Variants in ZNF318 observed in about 807,000 individuals in gnomAD.
ZNF318 encodes the protein endocrine regulator.
ZNF318 carries 51 observed loss-of-function variants against 124.2 expected under a neutral mutation model. The ratio of observed to expected loss-of-function variants is 0.41; its 90% CI spans 0.33 to 0.52. ZNF318 has a LOEUF of 0.52. Among genes scored for constraint, ZNF318 ranks in the 20% least tolerant of loss-of-function variants. The pLI is 0.23. For synonymous variants in ZNF318, 1,090 were observed against 1,040.7 expected, an observed-to-expected ratio of 1.05 and a Z score of -0.91; for missense variants, 2,815 against 2,811.2, an observed-to-expected ratio of 1.00 and a Z score of -0.03.
At chr6:43,346,342 G>A (rs890884535) in intron 6 of ZNF318, among the ~76,000 whole-genome samples, 3 of 151,668 alleles carry the variant, frequency 2.0e-5, no homozygotes, top group Non-Finnish European at 4.4e-5. Context: ...TTAGCCGGGC[G>A]TGGTGGCACG....
chr6:43,364,201 G>C (rs1014542443), intron 2 of ZNF318: 42 of 744,328 alleles, frequency 5.6e-5, no homozygotes, highest in Non-Finnish European at 8.8e-5. Context: ...GATTCACCAA[G>C]TCTCCCTATC....
rs762728533 is a variant in ZNF318 at position 43,340,299 on chromosome 6, T to C, written c.3699A>G (p.Leu1233=). The C allele has an allele frequency of 4.3e-6, 7 of 1,614,050 alleles. No individual in the cohort carries two copies. Among genetic ancestry groups the C allele is most frequent in the Non-Finnish European group, 5.9e-6 (7 of 1,180,010 alleles). Reference sequence around the variant, plus strand: ...TCCTACCCTCAGAGAGTTGGTCTTCTAATTTCTCAGAGACCTTGTCATCCT... The same window carrying C: ...TCCTACCCTCAGAGAGTTGGTCTTCCAATTTCTCAGAGACCTTGTCATCCT... ...VKEDDKVSEK[L]EDQLSEGRNS... is the part of the protein sequence containing the mutation. The change falls in exon 10 of 10, where the codon TTA becomes TTG. Residue 1233 remains leucine, a synonymous_variant. Transcript: ENST00000361428.
intron 6 of ZNF318, among the ~76,000 whole-genome samples, chr6:43,343,512 C>T (rs1309557133): frequency 6.6e-6 from 1 of 151,998 alleles, no homozygotes; most frequent in African/African-American, 2.4e-5. Context: ...TCCTAACTGC[C>T]TAAAATATCA....
rs187265784 is a variant in ZNF318, at chr6:43,340,469, G to A, written c.3529C>T (p.Arg1177Trp). The change falls in exon 10 of 10, where the codon CGG (arginine) becomes TGG (tryptophan). Residue 1177 changes from arginine to tryptophan, a missense_variant. Physicochemically the swap from Arg to Trp is moderately radical, Grantham distance 101. Transcript: ENST00000361428. ...CCAGCTTGGCGGTCCAGATTCCGCC[G>A]CTCCTCATATAATGGGTTTTCATCC... The part of the protein sequence containing the change: ...YVDENPLYEE[R>W]RNLDRQAGLA... 1.9e-6 allele frequency: 3 copies of A among 1,609,784 alleles called. No homozygotes were observed. Among genetic ancestry groups the A allele is most frequent in the East Asian group, 2.2e-5 (1 of 44,844 alleles).
rs766931238 is a variant in ZNF318 at position 43,365,331 on chromosome 6, C to T, written c.509G>A (p.Arg170Gln). The T allele has an allele frequency of 1.2e-5, 20 of 1,614,038 alleles. No individual in the cohort carries two copies. The African/African-American group carries it at 1.3e-4, about 11-fold the overall frequency. ...CAGATTATCCACTGGTGACCCCAGC[C>T]GATCACTAAGCCGTCGCCGTTCTGG... is the stretch of plus-strand genomic sequence containing the variant. ...STPERRRLSD[R>Q]LGSPVDNLED... is the part of the protein sequence containing the mutation. Residue 170 changes from arginine to glutamine, a missense_variant, in exon 2 of 10, where the codon CGG becomes CAG. By Grantham distance (43) the Arg-to-Gln change is conservative. Coordinates refer to ENST00000361428, the MANE Select transcript of ZNF318 (RefSeq NM_014345.3).
In ZNF318 at chr6:43,355,020, C is replaced by T; in HGVS notation, c.2314G>A (p.Ala772Thr). Reference protein sequence around the residue: ...HMPRASQFAAARIPPNYQGPA... With the variant: ...HMPRASQFAATRIPPNYQGPA... The stretch of plus-strand genomic sequence containing the variant: ...CCCTGGTAGTTCGGAGGTATCCGAG[C>T]TGCAGCAAACTGAGAGGCCCTTGGC... The change falls in exon 4 of 10, where the codon GCT (alanine) becomes ACT (threonine). Residue 772 changes from alanine to threonine, a missense_variant. Transcript: ENST00000361428. 1 of 1,612,826 alleles carries T rather than the reference C, an allele frequency of 6.2e-7. No homozygotes were observed. The highest frequency in any genetic ancestry group is 8.5e-7 in the Non-Finnish European group (1 of 1,179,238).
intron 2 of ZNF318, among the ~76,000 whole-genome samples, chr6:43,358,624 G>C (rs1331407668): frequency 6.6e-6 from 1 of 152,072 alleles, no homozygotes; most frequent in Non-Finnish European, 1.5e-5. Context: ...CATGATCTCG[G>C]CTGACTGCAA....
intron 6 of ZNF318, among the ~76,000 whole-genome samples, chr6:43,346,416 G>A (rs1779445383): frequency 6.6e-6 from 1 of 151,422 alleles, no homozygotes; most frequent in Non-Finnish European, 1.5e-5. Flanking sequence ...GGGAGGCGGA[G>A]GTTGCAATGA....
chr6:43,355,206 G>A lies in ZNF318; in HGVS notation c.2128C>T (p.Pro710Ser), dbSNP rs752012819. 4.3e-6 allele frequency: 7 copies of A among 1,614,064 alleles called. No homozygotes were observed. Among genetic ancestry groups the A allele is most frequent in the South Asian group, 3.3e-5 (3 of 91,088 alleles). The change falls in exon 4 of 10, where the codon CCT becomes TCT. Residue 710 changes from proline (P) to serine (S), a missense_variant. This residue lies in a region of ZNF318 where 1,377 missense variants were observed against 1,353.5 expected (regional missense o/e 1.02). Coordinates refer to ENST00000361428, the MANE Select transcript of ZNF318 (RefSeq NM_014345.3). ...VDPYLLTKNSPPFLKSDHPVG... is the reference protein window; with the variant it reads ...VDPYLLTKNSSPFLKSDHPVG... ...GGATGGTCAGACTTTAGGAATGGAG[G>A]GCTGTTTTTTGTGAGCAGGTAAGGA...
chr6:43,337,232 G>A lies in ZNF318; in HGVS notation c.6766C>T (p.Pro2256Ser), dbSNP rs775633782. 1.2e-6 allele frequency: 2 copies of A among 1,614,064 alleles called. No individual in the cohort carries two copies. The highest frequency in any genetic ancestry group is 2.7e-5 in the African/African-American group (2 of 75,026). ...REQVIEDNMV[P>S]QGMPEQETTV... is the part of the protein sequence containing the mutation. ...GTTTCCTGTTCAGGCATTCCCTGAG[G>A]GACCATATTGTCTTCAATTACCTGC... The change falls in exon 10 of 10, where the codon CCT (proline) becomes TCT (serine). Residue 2256 changes from proline (P) to serine (S), a missense_variant. Physicochemically the swap from Pro to Ser is moderately conservative, Grantham distance 74. Around this residue, in one of 4 missense-constraint regions of ZNF318, gnomAD observed 927 missense variants for 820.6 expected, o/e 1.13. Transcript: ENST00000361428.
intron 6 of ZNF318, among the ~76,000 whole-genome samples, chr6:43,344,733 T>C (rs1322012652): frequency 4.6e-5 from 7 of 152,324 alleles, no homozygotes; most frequent in Admixed American, 3.3e-4. Context: ...ATACTTCCCA[T>C]ATCTAGACCA....
intron 1 of ZNF318, 29 bp downstream of exon 1, chr6:43,368,938 A>G: frequency 7.5e-7 from 1 of 1,336,926 alleles, no homozygotes; most frequent in Non-Finnish European, 9.6e-7. Context: ...TGGGGGATGG[A>G]GGGAGTCCTG....
In ZNF318 at chr6:43,336,940, T is replaced by TC; in HGVS notation, c.*217_*218insG. On this transcript the variant is annotated 3_prime_UTR_variant, in exon 10 of 10. Coordinates refer to ENST00000361428, the MANE Select transcript of ZNF318 (RefSeq NM_014345.3). The stretch of plus-strand genomic sequence containing the variant: ...AAATACATTTTTACAGATATATATA[T>TC]ATATATATAAGTTGTTATCGATTTG... The TC allele has an allele frequency of 9.7e-6, 2 of 206,852 alleles. No individual in the cohort carries two copies. Among genetic ancestry groups the TC allele is most frequent in the Admixed American group, 6.8e-5 (1 of 14,730 alleles). 12.8% of individuals were successfully genotyped at this position (206,852 alleles called of 1,614,324 possible). A position where few individuals can be genotyped will look rare whatever the true frequency, so the allele number is the denominator to read the frequency against.
Position 43,337,754 on chromosome 6 carries a change from C to T in ZNF318, c.6244G>A (p.Asp2082Asn). 1 of 1,614,148 alleles carries T rather than the reference C, an allele frequency of 6.2e-7. No individual in the cohort carries two copies. Among genetic ancestry groups the T allele is most frequent in the Non-Finnish European group, 8.5e-7 (1 of 1,180,014 alleles). ...TTTCGTTCACCCTCTGTCTCAAAGT[C>T]AAGCACCAAGGTTTTGGGAGAATCT... ...PLDSPKTLVL[D>N]FETEGERNSP... The change falls in exon 10 of 10, where the codon GAC (aspartate) becomes AAC (asparagine). Residue 2082 changes from aspartate to asparagine, a missense_variant. Asp to Asn is a conservative substitution (Grantham distance 23). This residue lies in a region of ZNF318 where 927 missense variants were observed against 820.6 expected (regional missense o/e 1.13). Coordinates refer to ENST00000361428, the MANE Select transcript of ZNF318 (RefSeq NM_014345.3).
At chr6:43,346,397 C>G (rs1779444833) in intron 6 of ZNF318, among the ~76,000 whole-genome samples, 1 of 151,632 alleles carries the variant, frequency 6.6e-6, no homozygotes. Flanking sequence ...AGAAGAATTG[C>G]TTGAACCTGG....
Position 43,338,578 on chromosome 6 carries a change from T to G in ZNF318, c.5420A>C (p.Asp1807Ala), listed in dbSNP as rs768078209. 1 of 1,614,054 alleles carries G rather than the reference T, an allele frequency of 6.2e-7. No homozygotes were observed. Among genetic ancestry groups the G allele is most frequent in the Non-Finnish European group, 8.5e-7 (1 of 1,180,030 alleles). ...VSTSIGPHSIDDSNLNHGNRY... is the reference protein window; with the variant it reads ...VSTSIGPHSIADSNLNHGNRY... ...GTTTCCATGGTTCAAATTAGAATCATCTATGCTGTGGGGTCCAATGCTGGT... is the reference window on the plus strand; with the variant it reads ...GTTTCCATGGTTCAAATTAGAATCAGCTATGCTGTGGGGTCCAATGCTGGT... Residue 1807 changes from aspartate to alanine, a missense_variant, in exon 10 of 10, where the codon GAT becomes GCT. Physicochemically the swap from Asp to Ala is moderately radical, Grantham distance 126 (BLOSUM62 -2). Transcript: ENST00000361428.
rs1308613915 is a variant in ZNF318 at position 43,369,088 on chromosome 6, G to C, written c.278C>G (p.Pro93Arg). ...CGGCGGGAAGAGTCGTCGGCCCCGC[G>C]GTGGCGACGGGGAGCCGCGACGGGC... ...PRARRGSPSPPRGRRLFPPGP... is the reference protein window; with the variant it reads ...PRARRGSPSPRRGRRLFPPGP... Residue 93 changes from proline to arginine, a missense_variant, in exon 1 of 10, where the codon CCG (proline) becomes CGG (arginine). Pro to Arg is a moderately radical substitution (Grantham distance 103). Coordinates refer to ENST00000361428, the MANE Select transcript of ZNF318 (RefSeq NM_014345.3). 7.9e-7 allele frequency: 1 copy of C among 1,267,712 alleles called. No individual in the cohort carries two copies. The highest frequency in any genetic ancestry group is 1.5e-5 in the African/African-American group (1 of 64,656). The allele number at this position is 1,267,712 out of a possible 1,614,324, so 78.5% of individuals were successfully genotyped here.
chr6:43,352,767 CATAG>C (rs1302781955), intron 4 of ZNF318, among the ~76,000 whole-genome samples: 11 of 152,126 alleles, frequency 7.2e-5, no homozygotes, highest in South Asian at 6.2e-4. Context: ...CAAAGGGAAC[CATAG>C]ATAAAGGAAC....
In ZNF318 at chr6:43,338,518, T is replaced by C. The variant is rs766657915; in HGVS notation, c.5480A>G (p.Asn1827Ser). 2.5e-6 allele frequency: 4 copies of C among 1,614,106 alleles called. No individual in the cohort carries two copies. Among genetic ancestry groups the C allele is most frequent in the South Asian group, 2.2e-5 (2 of 91,088 alleles). ...YMWEGEVKQPNLLMIDKEAEQ... is the reference protein window; with the variant it reads ...YMWEGEVKQPSLLMIDKEAEQ... ...AGCCTCTTTGTCAATCATTAGCAAG[T>C]TGGGCTGTTTTACTTCTCCCTCCCA... Residue 1827 changes from asparagine to serine, a missense_variant, in exon 10 of 10, where the codon AAC becomes AGC. Around this residue, in one of 4 missense-constraint regions of ZNF318, gnomAD observed 927 missense variants for 820.6 expected, o/e 1.13. Coordinates refer to ENST00000361428, the MANE Select transcript of ZNF318 (RefSeq NM_014345.3).
Sources: allele counts gnomAD v4.1 joint callset (sites outside exome capture counted in the v4.1 genomes callset), GRCh38; gene constraint gnomAD v4.1.1; regional missense constraint gnomAD v4.1.1; transcripts MANE v1.5; gene names NCBI Gene and HGNC (gene_info 2026-07-23, HGNC 2026-07-21).